The following EHMT1 variants were observed in gnomAD, a reference collection of about 807,000 sequenced individuals.
The protein encoded by EHMT1 is euchromatic histone lysine methyltransferase 1, also known as histone-lysine N-methyltransferase EHMT1.
EHMT1 carries 15 observed loss-of-function variants against 147.2 expected under a neutral mutation model. The observed-to-expected ratio is 0.10, with a 90% CI of 0.07 to 0.16. The LOEUF is 0.16. Ranked by LOEUF, EHMT1 falls within the 10% of genes least tolerant of loss-of-function variation. EHMT1 has a pLI of 1.00. For missense variants in EHMT1, 1,587 were observed against 1,772.4 expected (o/e 0.90, Z 1.88); for synonymous variants, 795 against 709.6 (o/e 1.12, Z -1.91).
chr9:137,669,003 C>G (rs1940066018), intron 1 of EHMT1, among the ~76,000 whole-genome samples: 1 of 152,184 alleles, frequency 6.6e-6, no homozygotes, highest in Non-Finnish European at 1.5e-5. Context: ...TCTTGTGCCT[C>G]AGCCTCCAGA....
chr9:137,734,433 A>T (rs1947361604), intron 4 of EHMT1, among the ~76,000 whole-genome samples: 1 of 152,270 alleles, frequency 6.6e-6, no homozygotes, highest in Non-Finnish European at 1.5e-5. Context: ...CAGTGAAAAT[A>T]ATCAAGTTTG....
At chr9:137,785,107 G>C (rs1588696087) in intron 15 of EHMT1, 1 of 154,436 alleles carries the variant, frequency 6.5e-6, no homozygotes, top group African/African-American at 2.4e-5. Flanking sequence ...GAGGAAGAGC[G>C]TGGTCTGGAA....
Position 137,743,419 on chromosome 9 carries a change from G to A in EHMT1, c.872G>A (p.Arg291Gln), listed in dbSNP as rs2136053069. 1 of 1,611,366 alleles carries A rather than the reference G, an allele frequency of 6.2e-7. No homozygotes were observed. The highest frequency in any genetic ancestry group is 8.5e-7 in the Non-Finnish European group (1 of 1,179,720). The stretch of plus-strand genomic sequence containing the variant: ...GCTGCAGTATCTCGGAAGAAAAAAC[G>A]AAGAATGGGAACCTATAGCCTGGTT... The part of the protein sequence containing the change: ...LAAAVSRKKK[R>Q]RMGTYSLVPK... Residue 291 changes from arginine to glutamine, a missense_variant, in exon 5 of 27, where the codon CGA becomes CAA. Physicochemically the swap from Arg to Gln is conservative, Grantham distance 43. Transcript: ENST00000460843.
At chr9:137,753,403 A>G (rs1367972765) in intron 7 of EHMT1, among the ~76,000 whole-genome samples, 2 of 152,184 alleles carry the variant, frequency 1.3e-5, no homozygotes, top group Non-Finnish European at 2.9e-5. Context: ...AATTCTTCCC[A>G]AAAGTTTTGC....
intron 5 of EHMT1, among the ~76,000 whole-genome samples, 166 bp from the exon 6 acceptor site, chr9:137,743,736 C>T (rs1948308994): frequency 6.6e-6 from 1 of 152,200 alleles, no homozygotes; most frequent in African/African-American, 2.4e-5. Flanking sequence ...CCACAGCCCA[C>T]CTGTCTGCCG....
Position 137,812,874 on chromosome 9 carries a change from C to T in EHMT1, c.2868-132C>T, listed in dbSNP as rs1954606734. The T allele has an allele frequency of 2.3e-6, 3 of 1,281,278 alleles. No homozygotes were observed. The African/African-American group carries it at 4.4e-5, about 19-fold the overall frequency. The allele number at this position is 1,281,278 out of a possible 1,614,324, so 79.4% of individuals were successfully genotyped here. On this transcript the variant is annotated intron_variant, in intron 19 of 26. Coordinates refer to ENST00000460843, the MANE Select transcript of EHMT1 (RefSeq NM_024757.5). ...CTTTGCAGAGTCATTGCTGAGCAGA[C>T]TTGTTCAAGTTATCTCACAGTGAAT... is the stretch of plus-strand genomic sequence containing the variant.
chr9:137,795,401 G>GCACACACACAGA (rs1952824216), intron 16 of EHMT1, among the ~76,000 whole-genome samples: 1 of 130,178 alleles, frequency 7.7e-6, no homozygotes, highest in Non-Finnish European at 1.7e-5. Context: ...ATCGCAGGGT[G>GCACACACACAGA]CACACACACA....
chr9:137,739,862 G>T (rs911443870), intron 4 of EHMT1, among the ~76,000 whole-genome samples: 2 of 152,172 alleles, frequency 1.3e-5, no homozygotes, highest in African/African-American at 2.4e-5. Flanking sequence ...GTGTGGACTT[G>T]TCGGGCAGGG....
intron 1 of EHMT1, among the ~76,000 whole-genome samples, chr9:137,692,629 AAGTG>A: frequency 6.6e-6 from 1 of 152,218 alleles, no homozygotes; most frequent in East Asian, 1.9e-4. Flanking sequence ...AAACCATAAA[AAGTG>A]AGAAAACTCT....
At position 137,800,000 on chromosome 9, in the gene EHMT1, C is replaced by T. The variant is rs191354148; in HGVS notation, c.2608-880C>T. ...GCCTGTGGTGGTGCTGACTGTCGACCGCAGGGGAGATGTAGCTTTAATCAT... is the reference window on the plus strand; with the variant it reads ...GCCTGTGGTGGTGCTGACTGTCGACTGCAGGGGAGATGTAGCTTTAATCAT... On this transcript the variant is annotated intron_variant, in intron 17 of 26. Transcript: ENST00000460843. 2.7e-3 allele frequency among the ~76,000 whole-genome samples: 413 copies of T among 152,248 alleles called. 3 individuals are homozygous for T. The highest frequency in any genetic ancestry group is 9.3e-3 in the African/African-American group (388 of 41,556).
At chr9:137,823,654 G>A (rs182570025) in intron 25 of EHMT1, among the ~76,000 whole-genome samples, 203 of 151,800 alleles carry the variant, frequency 1.3e-3, no homozygotes, top group Middle Eastern at 6.8e-3. Flanking sequence ...CTCGTGATCC[G>A]CCCGCCTCGG....
chr9:137,744,302 C>T (rs749398548), intron 6 of EHMT1, among the ~76,000 whole-genome samples: 1 of 144,106 alleles, frequency 6.9e-6, no homozygotes, highest in Non-Finnish European at 1.5e-5. Flanking sequence ...TTGAAGTAAA[C>T]CTCTTTTTTT....
At chr9:137,820,687 T>A (rs1238152288) in intron 25 of EHMT1, among the ~76,000 whole-genome samples, 1 of 152,246 alleles carries the variant, frequency 6.6e-6, no homozygotes, top group African/African-American at 2.4e-5. Context: ...TTTTCCCATC[T>A]TGTTACCTGG....
chr9:137,792,950 G>T (rs544099818), intron 16 of EHMT1, among the ~76,000 whole-genome samples: 1 of 152,196 alleles, frequency 6.6e-6, no homozygotes, highest in Non-Finnish European at 1.5e-5. Context: ...ACTCACGTTC[G>T]TAGGGAACCT....
At chr9:137,673,482 G>A (rs530544425) in intron 1 of EHMT1, among the ~76,000 whole-genome samples, 3 of 152,208 alleles carry the variant, frequency 2.0e-5, no homozygotes, top group African/African-American at 4.8e-5. Context: ...GGGCAGCTGT[G>A]TCCAGCTGCA....
intron 18 of EHMT1, among the ~76,000 whole-genome samples, chr9:137,803,806 G>A (rs941882138): frequency 1.2e-4 from 18 of 148,198 alleles, no homozygotes; most frequent in African/African-American, 1.8e-4. Flanking sequence ...AGCTGAGATC[G>A]CACCACTGCA....
chr9:137,701,775 G>A (rs901884506), intron 1 of EHMT1, among the ~76,000 whole-genome samples: 8 of 139,520 alleles, frequency 5.7e-5, no homozygotes, highest in Non-Finnish European at 7.6e-5. Flanking sequence ...TTACAGGCAC[G>A]CGCCACCATG....
chr9:137,679,409 C>G (rs1941721772), intron 1 of EHMT1, among the ~76,000 whole-genome samples: 1 of 152,022 alleles, frequency 6.6e-6, no homozygotes. Context: ...CTCGGGTGGT[C>G]CTCAGTGTGG....
At chr9:137,712,793 T>C (rs1944863537) in intron 2 of EHMT1, among the ~76,000 whole-genome samples, 1 of 152,140 alleles carries the variant, frequency 6.6e-6, no homozygotes, top group Non-Finnish European at 1.5e-5. Flanking sequence ...GACTTACCTG[T>C]TTTTTTCCTC....
Sources: gnomAD v4.1 joint callset for allele counts (sites outside exome capture counted in the v4.1 genomes callset) on GRCh38, gnomAD v4.1.1 for gene constraint, MANE v1.5 for transcripts, NCBI Gene and HGNC (gene_info 2026-07-23, HGNC 2026-07-21) for gene names.